DENND2C: variants seen among roughly 807,000 people sequenced by gnomAD.
DENND2C encodes the protein DENN domain-containing protein 2C.
A neutral mutation model predicts 112.4 loss-of-function variants in DENND2C; 72 were observed. The ratio of observed to expected loss-of-function variants is 0.64; its 90% CI spans 0.53 to 0.78. DENND2C has a LOEUF of 0.78. Among genes scored for constraint, DENND2C ranks in the 30% least tolerant of loss-of-function variants. The pLI is 0.00. For synonymous variants in DENND2C, 329 were observed against 381.6 expected, an observed-to-expected ratio of 0.86 and a Z score of 1.61; for missense variants, 992 against 1,113.8, an observed-to-expected ratio of 0.89 and a Z score of 1.56.
At position 114,599,375 on chromosome 1, in the gene DENND2C, G is replaced by A; in HGVS notation, c.2182C>T (p.Leu728=). The A allele has an allele frequency of 1.9e-6, 3 of 1,614,088 alleles. No individual in the cohort carries two copies. The highest frequency in any genetic ancestry group is 2.5e-6 in the Non-Finnish European group (3 of 1,179,996). Residue 728 remains leucine (L), a synonymous_variant, in exon 16 of 21, where the codon CTG becomes TTG. Coordinates refer to ENST00000393274, the MANE Select transcript of DENND2C (RefSeq NM_001256404.2). ...ACGATGTCAATCATAGATGCTGGCA[G>A]GACTGGGATATAGGTATGCTGCCAG... The part of the protein sequence containing the change: ...FTWQHTYIPV[L]PASMIDIVCS...
intron 1 of DENND2C, among the ~76,000 whole-genome samples, chr1:114,664,326 A>G (rs997649159): frequency 1.5e-4 from 23 of 152,196 alleles, no homozygotes; most frequent in African/African-American, 5.5e-4. Flanking sequence ...TTGATTGTGA[A>G]CGGAAGCTGG....
chr1:114,636,425 G>A (rs1656657082), intron 3 of DENND2C, among the ~76,000 whole-genome samples: 1 of 152,188 alleles, frequency 6.6e-6, no homozygotes, highest in Non-Finnish European at 1.5e-5. Flanking sequence ...TAACACTTTG[G>A]GAGGCCAAGG....
intron 1 of DENND2C, among the ~76,000 whole-genome samples, chr1:114,664,844 G>A (rs1369793752): frequency 6.7e-6 from 1 of 149,404 alleles, no homozygotes; most frequent in African/African-American, 2.4e-5. Context: ...TGTAATCCCA[G>A]CACTTTGGGA....
At chr1:114,656,277 T>C (rs1657324078) in intron 1 of DENND2C, among the ~76,000 whole-genome samples, 1 of 152,132 alleles carries the variant, frequency 6.6e-6, no homozygotes, top group Non-Finnish European at 1.5e-5. Context: ...TCTTACTATG[T>C]TGTCCAAGCT....
intron 11 of DENND2C, among the ~76,000 whole-genome samples, chr1:114,603,683 G>A (rs1655582825): frequency 6.6e-6 from 1 of 151,646 alleles, no homozygotes; most frequent in Non-Finnish European, 1.5e-5. Context: ...AGTAGCTACT[G>A]CACACCACCG....
At chr1:114,661,258 C>A (rs1314351312) in intron 1 of DENND2C, among the ~76,000 whole-genome samples, 2 of 152,114 alleles carry the variant, frequency 1.3e-5, no homozygotes, top group African/African-American at 4.8e-5. Flanking sequence ...GCTGAAATGT[C>A]CAATAATGGT....
chr1:114,665,264 G>C (rs1657615228), intron 1 of DENND2C, among the ~76,000 whole-genome samples: 1 of 91,036 alleles, frequency 1.1e-5, no homozygotes, highest in East Asian at 2.5e-4. Context: ...GCAAGACCCT[G>C]TCTCTTGAAA....
chr1:114,653,638 G>A (rs540116288), intron 2 of DENND2C, among the ~76,000 whole-genome samples: 107 of 152,122 alleles, frequency 7.0e-4, no homozygotes, highest in African/African-American at 2.5e-3. Context: ...ATGATTAAAC[G>A]TTTTGTGTTT....
At chr1:114,646,429 T>C (rs145825857) in intron 2 of DENND2C, among the ~76,000 whole-genome samples, 50 of 152,302 alleles carry the variant, frequency 3.3e-4, no homozygotes, top group African/African-American at 1.2e-3. Context: ...AAAACTAGTG[T>C]GCGATATATT....
At position 114,599,407 on chromosome 1, in the gene DENND2C, G is replaced by A. The variant is rs757490817; in HGVS notation, c.2150C>T (p.Pro717Leu). The A allele has an allele frequency of 4.3e-6, 7 of 1,613,854 alleles. No homozygotes were observed. The highest frequency in any genetic ancestry group is 1.7e-5 in the Admixed American group (1 of 59,988). Residue 717 changes from proline (P) to leucine (L), a missense_variant, in exon 16 of 21, where the codon CCG becomes CTG. By Grantham distance (98) the Pro-to-Leu change is moderately conservative. Around this residue, in one of 3 missense-constraint regions of DENND2C, gnomAD observed 516 missense variants for 623.6 expected, o/e 0.83. Transcript: ENST00000393274. Reference protein sequence around the residue: ...CGHAVVATLYPFTWQHTYIPV... With the variant: ...CGHAVVATLYLFTWQHTYIPV... Reference sequence around the variant, plus strand: ...GATATAGGTATGCTGCCAGGTGAACGGATACAGTGTAGCTACCACAGCATG... The same window carrying A: ...GATATAGGTATGCTGCCAGGTGAACAGATACAGTGTAGCTACCACAGCATG...
chr1:114,613,911 T>C (rs966899291), intron 8 of DENND2C, among the ~76,000 whole-genome samples: 4 of 152,124 alleles, frequency 2.6e-5, no homozygotes, highest in African/African-American at 9.7e-5. Context: ...TGATAAGTCA[T>C]TTTGTAATAC....
chr1:114,599,495 T>G (rs1167498426), intron 15 of DENND2C, 44 bp from the exon 16 acceptor site: 2 of 1,454,512 alleles, frequency 1.4e-6, no homozygotes, highest in Non-Finnish European at 1.8e-6. Flanking sequence ...TAGAGTAACA[T>G]AAGGAGGACA....
In DENND2C at chr1:114,609,267, G is replaced by C. The variant is rs186829410; in HGVS notation, c.1370-394C>G. On this transcript the variant is annotated intron_variant, in intron 9 of 20. Transcript: ENST00000393274. Reference sequence around the variant, plus strand: ...TGCTGGGAATGCCATGAAATCACAGGGTGCCAGGTGGCACGGGGCAGGGGG... The same window carrying C: ...TGCTGGGAATGCCATGAAATCACAGCGTGCCAGGTGGCACGGGGCAGGGGG... Among the ~76,000 whole-genome samples, 977 of 151,916 alleles carry C rather than the reference G, an allele frequency of 6.4e-3. 7 individuals are homozygous for C. Among genetic ancestry groups the C allele is most frequent in the Non-Finnish European group, 9.5e-3 (643 of 68,038 alleles).
At chr1:114,608,991 G>C in intron 9 of DENND2C, 118 bp from the exon 10 acceptor site, 1 of 1,122,598 alleles carries the variant, frequency 8.9e-7, no homozygotes, top group East Asian at 2.4e-5. Context: ...AATGAATGTT[G>C]AATAACCAGC....
chr1:114,655,389 A>C (rs1487247351), intron 1 of DENND2C, among the ~76,000 whole-genome samples: 4 of 152,206 alleles, frequency 2.6e-5, no homozygotes, highest in Admixed American at 2.0e-4. Context: ...AAAATGAACA[A>C]AACTAAGAGC....
Position 114,595,874 on chromosome 1 carries a change from C to T in DENND2C, c.2284-1G>A, listed in dbSNP as rs1655329003. 6.2e-7 allele frequency: 1 copy of T among 1,613,672 alleles called. No individual in the cohort carries two copies. Among genetic ancestry groups the T allele is most frequent in the African/African-American group, 1.3e-5 (1 of 74,902 alleles). ...CTGCACAGAGATCAACTATCAGCAC[C>T]TATGAAATAAAGGAGCCAGGCAAGT... is the stretch of plus-strand genomic sequence containing the variant. On this transcript the variant is annotated splice_acceptor_variant, in intron 16 of 20. Transcript: ENST00000393274. LOFTEE classifies it high-confidence loss of function.
At chr1:114,658,339 C>A (rs933686311) in intron 1 of DENND2C, among the ~76,000 whole-genome samples, 1 of 151,836 alleles carries the variant, frequency 6.6e-6, no homozygotes, top group East Asian at 1.9e-4. Flanking sequence ...TGAGAGGTAA[C>A]AAAACCAGGA....
rs778828074 is a variant in DENND2C, at chr1:114,600,261, C to T, written c.2048G>A (p.Arg683Gln). 24 of 1,613,912 alleles carry T rather than the reference C, an allele frequency of 1.5e-5. No homozygotes were observed. The highest frequency in any genetic ancestry group is 9.3e-5 in the African/African-American group (7 of 74,888). ...FKCLSVCHLI[R>Q]VCASLLLERR... Reference sequence around the variant, plus strand: ...CTCCAAAAGGAGAGAGGCACAGACCCGGATGAGATGACACACACTCAGGCA... The same window carrying T: ...CTCCAAAAGGAGAGAGGCACAGACCTGGATGAGATGACACACACTCAGGCA... Residue 683 changes from arginine to glutamine, a missense_variant, in exon 15 of 21, where the codon CGG becomes CAG. Physicochemically the swap from Arg to Gln is conservative, Grantham distance 43 (BLOSUM62 1). This residue lies in a region of DENND2C where 516 missense variants were observed against 623.6 expected (regional missense o/e 0.83). Coordinates refer to ENST00000393274, the MANE Select transcript of DENND2C (RefSeq NM_001256404.2).
At chr1:114,600,712 A>T in intron 14 of DENND2C, 108 bp downstream of exon 14, 1 of 1,348,070 alleles carries the variant, frequency 7.4e-7, no homozygotes, top group Non-Finnish European at 1.0e-6. Flanking sequence ...CATATTCTTT[A>T]CAGTTTATGG....
Sources: allele counts gnomAD v4.1 joint callset (sites outside exome capture counted in the v4.1 genomes callset), GRCh38; gene constraint gnomAD v4.1.1; regional missense constraint gnomAD v4.1.1; transcripts MANE v1.5; gene names NCBI Gene and HGNC (gene_info 2026-07-23, HGNC 2026-07-21).